STARD7: variants seen among roughly 807,000 people sequenced by gnomAD.
STARD7 encodes StAR related lipid transfer domain containing 7.
In STARD7, 30 loss-of-function variants were observed where a neutral mutation model predicts 45.3. The observed-to-expected ratio is 0.66, with a 90% CI of 0.50 to 0.90. The LOEUF (loss-of-function observed/expected upper bound fraction) is 0.90. STARD7 is among the 40% of genes least tolerant of loss of function. The pLI is 0.00. For synonymous variants in STARD7, 199 were observed against 183.0 expected (o/e 1.09, Z -0.70); for missense variants, 495 against 491.3 (o/e 1.01, Z -0.07).
rs1479830706 is a variant in STARD7, at chr2:96,186,763, G to GCC, written c.1078_1079dup (p.Ser361AlafsTer48). On this transcript the variant is annotated frameshift_variant, in exon 8 of 8. Coordinates refer to ENST00000337288, the MANE Select transcript of STARD7 (RefSeq NM_020151.4). LOFTEE classifies it high-confidence loss of function. ...ACTCAATCCGAGCAGGGCCACAGCTGCCCTCGTTCTTTCGCTCAGAGGACT... is the reference window on the plus strand; with the variant it reads ...ACTCAATCCGAGCAGGGCCACAGCTGCCCCCTCGTTCTTTCGCTCAGAGGACT... The GCC allele has an allele frequency of 6.2e-7, 1 of 1,613,404 alleles. No individual in the cohort carries two copies. The highest frequency in any genetic ancestry group is 1.1e-5 in the South Asian group (1 of 90,946).
intron 6 of STARD7, among the ~76,000 whole-genome samples, chr2:96,190,631 C>T (rs1683111786): frequency 6.6e-6 from 1 of 151,960 alleles, no homozygotes; most frequent in Admixed American, 6.6e-5. Context: ...AGCCACTGCG[C>T]CTGGCTTTTT....
At position 96,208,219 on chromosome 2, in the gene STARD7, G is replaced by A. The variant is rs1683430967; in HGVS notation, c.216C>T (p.Ala72=). The part of the protein sequence containing the change: ...WRRLHGRPGH[A]SALMAALAGV... The stretch of plus-strand genomic sequence containing the variant: ...CGGCTAACGCCGCCATCAAGGCAGA[G>A]GCATGGCCAGGACGGCCGTGCAGCC... Residue 72 remains alanine, a synonymous_variant, in exon 1 of 8, where the codon GCC becomes GCT. Coordinates refer to ENST00000337288, the MANE Select transcript of STARD7 (RefSeq NM_020151.4). 6.2e-7 allele frequency: 1 copy of A among 1,612,450 alleles called. No individual in the cohort carries two copies. The highest frequency in any genetic ancestry group is 2.2e-5 in the East Asian group (1 of 44,844).
At chr2:96,192,637 G>A (rs1445961456) in intron 5 of STARD7, among the ~76,000 whole-genome samples, 169 bp from the exon 6 acceptor site, 5 of 152,130 alleles carry the variant, frequency 3.3e-5, no homozygotes, top group Admixed American at 1.3e-4. Flanking sequence ...AAAATGAAGC[G>A]AAGGCCAGAC....
At chr2:96,188,755 G>C (rs1355091272) in intron 6 of STARD7, among the ~76,000 whole-genome samples, 1 of 151,304 alleles carries the variant, frequency 6.6e-6, no homozygotes, top group East Asian at 2.0e-4. Context: ...CTAGCCAGGT[G>C]TGGTGGCACA....
intron 1 of STARD7, among the ~76,000 whole-genome samples, chr2:96,198,905 T>A (rs989503354): frequency 6.6e-5 from 10 of 152,348 alleles, no homozygotes; most frequent in Admixed American, 6.5e-4. Flanking sequence ...CATCTGCTTC[T>A]CCAGGTGACC....
chr2:96,187,631 AGACGG>A (rs1683057300), intron 6 of STARD7: 1 of 182,240 alleles, frequency 5.5e-6, no homozygotes, highest in African/African-American at 2.4e-5. Flanking sequence ...TGTGCTAAGC[AGACGG>A]TACTAAGTGA....
At chr2:96,201,527 G>C (rs570754108) in intron 1 of STARD7, among the ~76,000 whole-genome samples, 1 of 151,740 alleles carries the variant, frequency 6.6e-6, no homozygotes, top group Admixed American at 6.6e-5. Flanking sequence ...GGTCGGGACT[G>C]TAGCGAGCCA....
intron 6 of STARD7, 100 bp downstream of exon 6, chr2:96,192,269 G>A: frequency 2.1e-6 from 2 of 972,054 alleles, no homozygotes; most frequent in Admixed American, 1.7e-5. Flanking sequence ...AGCGAGAACT[G>A]TTCCTGCGCC....
chr2:96,185,056 C>A lies in STARD7; in HGVS notation c.*1674G>T, dbSNP rs1213103595. 1.3e-5 allele frequency: 2 copies of A among 152,598 alleles called. No homozygotes were observed. Among genetic ancestry groups the A allele is most frequent in the Non-Finnish European group, 2.9e-5 (2 of 68,056 alleles). The allele number at this position is 152,598 out of a possible 1,614,324, so 9.5% of individuals were successfully genotyped here. ...GTGTGTGCGCTCGCAGACGCACACA[C>A]ACACACACATATTCTCTCTCTCTCT... is the stretch of plus-strand genomic sequence containing the variant. On this transcript the variant is annotated 3_prime_UTR_variant, in exon 8 of 8. Transcript: ENST00000337288.
chr2:96,194,852 TG>T, intron 3 of STARD7, 105 bp downstream of exon 3: 2 of 871,222 alleles, frequency 2.3e-6, no homozygotes, highest in Non-Finnish European at 3.7e-6. Context: ...GGTAGATAGA[TG>T]GATGTACTTA....
chr2:96,188,808 T>C (rs576047865), intron 6 of STARD7, among the ~76,000 whole-genome samples: 1 of 151,584 alleles, frequency 6.6e-6, no homozygotes, highest in African/African-American at 2.4e-5. Context: ...GCAAGAGAAC[T>C]GCTTGAACCC....
At chr2:96,189,178 G>C (rs913021240) in intron 6 of STARD7, among the ~76,000 whole-genome samples, 1 of 151,946 alleles carries the variant, frequency 6.6e-6, no homozygotes, top group African/African-American at 2.4e-5. Context: ...CAAACTCCTT[G>C]GCTAAAGAGA....
At chr2:96,201,684 G>GC (rs1683307817) in intron 1 of STARD7, among the ~76,000 whole-genome samples, 1 of 151,996 alleles carries the variant, frequency 6.6e-6, no homozygotes, top group Non-Finnish European at 1.5e-5. Flanking sequence ...TGTAATCCCA[G>GC]CTACTCAGCA....
intron 1 of STARD7, among the ~76,000 whole-genome samples, chr2:96,197,202 C>T (rs1472906168): frequency 2.6e-5 from 4 of 151,732 alleles, no homozygotes; most frequent in African/African-American, 7.3e-5. Context: ...GTCAGGAGTT[C>T]GAGACCGGCC....
chr2:96,192,115 G>A (rs922454911), intron 6 of STARD7, among the ~76,000 whole-genome samples: 4 of 152,108 alleles, frequency 2.6e-5, no homozygotes, highest in African/African-American at 4.8e-5. Flanking sequence ...ATGCGTCAGT[G>A]GCTATGATTC....
At position 96,190,650 on chromosome 2, in the gene STARD7, A is replaced by AT. The variant is rs925248913; in HGVS notation, c.843+1718dup. Among the ~76,000 whole-genome samples the AT allele has an allele frequency of 1.6e-3, 228 of 146,450 alleles. 4 individuals carry two copies. In the East Asian group the frequency reaches 0.031, roughly 20 times the overall value. ...ACTGCGCCTGGCTTTTTTATTTTTT[A>AT]TTTTTTTTTTGAGAAGGGTCTCAAA... On this transcript the variant is annotated intron_variant, in intron 6 of 7. Transcript: ENST00000337288.
At chr2:96,198,184 G>A (rs1218989837) in intron 1 of STARD7, among the ~76,000 whole-genome samples, 1 of 152,062 alleles carries the variant, frequency 6.6e-6, no homozygotes, top group Non-Finnish European at 1.5e-5. Context: ...TTAGCCAGGT[G>A]TGATGGCAGG....
rs759672274 is a variant in STARD7 at position 96,193,307 on chromosome 2, G to A, written c.595C>T (p.Leu199=). The change falls in exon 4 of 8, where the codon CTG becomes TTG. Residue 199 remains leucine (L), a synonymous_variant. Transcript: ENST00000337288. ...ACCACATCCCTCTCAATCACCTCCAGCTTGATTACCAGGGCATCCCATTTT... is the reference window on the plus strand; with the variant it reads ...ACCACATCCCTCTCAATCACCTCCAACTTGATTACCAGGGCATCCCATTTT... ...RKKWDALVIK[L]EVIERDVVSG... is the part of the protein sequence containing the mutation. 2 of 1,613,728 alleles carry A rather than the reference G, an allele frequency of 1.2e-6. No homozygotes were observed. Among genetic ancestry groups the A allele is most frequent in the African/African-American group, 2.7e-5 (2 of 74,894 alleles).
At position 96,185,684 on chromosome 2, in the gene STARD7, T is replaced by C. The variant is rs1288548653; in HGVS notation, c.*1046A>G. On this transcript the variant is annotated 3_prime_UTR_variant, in exon 8 of 8. Coordinates refer to ENST00000337288, the MANE Select transcript of STARD7 (RefSeq NM_020151.4). ...TCTATGCATTCACACAGCTTGTCTG[T>C]AGATCTGAGAGCTCCAAGGGAGTGG... is the stretch of plus-strand genomic sequence containing the variant. The C allele has an allele frequency of 1.3e-5, 2 of 152,220 alleles. No individual in the cohort carries two copies. Among genetic ancestry groups the C allele is most frequent in the Non-Finnish European group, 2.9e-5 (2 of 68,038 alleles). 9.4% of individuals were successfully genotyped at this position (152,220 alleles called of 1,614,324 possible). A position where few individuals can be genotyped will look rare whatever the true frequency, so the allele number is the denominator to read the frequency against.
Sources: allele counts gnomAD v4.1 joint callset (sites outside exome capture counted in the v4.1 genomes callset), GRCh38; gene constraint gnomAD v4.1.1; transcripts MANE v1.5; gene names NCBI Gene and HGNC (gene_info 2026-07-23, HGNC 2026-07-21).